Variants in ITPR2 observed in about 807,000 individuals in gnomAD.
ITPR2 encodes inositol 1,4,5-trisphosphate-gated calcium channel ITPR2.
Under a neutral mutation model 317.1 loss-of-function variants are expected in ITPR2, and 207 were observed. The observed-to-expected ratio is 0.65, with a 90% CI of 0.58 to 0.73. The LOEUF is 0.73. Among genes scored for constraint, ITPR2 ranks in the 30% least tolerant of loss-of-function variants. The pLI is 0.00. For missense variants in ITPR2, 2,613 were observed against 3,284.0 expected, an observed-to-expected ratio of 0.80 and a Z score of 4.99; for synonymous variants, 1,156 against 1,149.1, an observed-to-expected ratio of 1.01 and a Z score of -0.12.
chr12:26,734,628 A>T (rs749356702), intron 2 of ITPR2, among the ~76,000 whole-genome samples: 21 of 130,960 alleles, frequency 1.6e-4, no homozygotes, highest in South Asian at 6.6e-4. Flanking sequence ...GTCCTAAATT[A>T]AAAAAAAAAA....
chr12:26,676,449 C>T (rs1947909058), intron 13 of ITPR2, among the ~76,000 whole-genome samples: 1 of 149,470 alleles, frequency 6.7e-6, no homozygotes, highest in Admixed American at 6.7e-5. Flanking sequence ...TGCATTCCAG[C>T]CTGGGTGACA....
At chr12:26,510,453 C>G (rs1369661142) in intron 37 of ITPR2, among the ~76,000 whole-genome samples, 1 of 152,180 alleles carries the variant, frequency 6.6e-6, no homozygotes, top group Non-Finnish European at 1.5e-5. Flanking sequence ...TTGACAAGAC[C>G]TGACCACACA....
chr12:26,726,999 T>A (rs929492963), intron 2 of ITPR2, among the ~76,000 whole-genome samples: 3 of 152,114 alleles, frequency 2.0e-5, no homozygotes, highest in Non-Finnish European at 4.4e-5. Context: ...CTGATATGGA[T>A]AAGTAAATAT....
At chr12:26,767,982 T>C (rs1429782544) in intron 2 of ITPR2, among the ~76,000 whole-genome samples, 1 of 152,190 alleles carries the variant, frequency 6.6e-6, no homozygotes, top group Non-Finnish European at 1.5e-5. Context: ...TGCTCCCTTA[T>C]TTCATGCCGC....
In ITPR2 at chr12:26,406,874, C is replaced by A. The variant is rs1334102635; in HGVS notation, c.7399+4446G>T. 2.0e-5 allele frequency among the ~76,000 whole-genome samples: 3 copies of A among 152,132 alleles called. No individual in the cohort carries two copies. The East Asian group carries it at 5.8e-4, about 29-fold the overall frequency. ...AGATGAATTTTATCACTTACAATGTCAAATACAAAAAGTGTATGGAAGAAA... is the reference window on the plus strand; with the variant it reads ...AGATGAATTTTATCACTTACAATGTAAAATACAAAAAGTGTATGGAAGAAA... On this transcript the variant is annotated intron_variant, in intron 52 of 56. Transcript: ENST00000381340.
intron 37 of ITPR2, among the ~76,000 whole-genome samples, chr12:26,507,857 C>CTCTGTGTGTGTG (rs1326140162): frequency 4.9e-4 from 43 of 88,332 alleles, no homozygotes; most frequent in African/African-American, 1.3e-3. Context: ...TCTTCTCTCT[C>CTCTGTGTGTGTG]TGTCTCTGTG....
intron 45 of ITPR2, among the ~76,000 whole-genome samples, chr12:26,471,454 C>T (rs1942289780): frequency 6.6e-6 from 1 of 152,132 alleles, no homozygotes; most frequent in African/African-American, 2.4e-5. Context: ...AAAAAGTGCA[C>T]ATAGTTGGAT....
chr12:26,659,793 T>C (rs1947455115), intron 15 of ITPR2, among the ~76,000 whole-genome samples: 1 of 152,182 alleles, frequency 6.6e-6, no homozygotes, highest in South Asian at 2.1e-4. Context: ...ATTTCATTCA[T>C]GAGACATGAG....
chr12:26,485,063 G>A (rs1273668829), intron 41 of ITPR2, among the ~76,000 whole-genome samples: 1 of 151,830 alleles, frequency 6.6e-6, no homozygotes, highest in Non-Finnish European at 1.5e-5. Flanking sequence ...TGCACAGTTC[G>A]ATATGCTTAT....
chr12:26,451,875 G>A (rs1287764006), intron 45 of ITPR2, among the ~76,000 whole-genome samples: 1 of 152,224 alleles, frequency 6.6e-6, no homozygotes, highest in Admixed American at 6.5e-5. Context: ...GCAGTTTTTA[G>A]TAAGCATGCT....
intron 32 of ITPR2, among the ~76,000 whole-genome samples, chr12:26,586,812 T>C (rs1341909010): frequency 6.6e-6 from 1 of 152,164 alleles, no homozygotes; most frequent in Non-Finnish European, 1.5e-5. Context: ...CAAGGGTGGG[T>C]AAAATACAGC....
chr12:26,407,096 A>T (rs1940379314), intron 52 of ITPR2, among the ~76,000 whole-genome samples: 1 of 151,748 alleles, frequency 6.6e-6, no homozygotes, highest in African/African-American at 2.4e-5. Context: ...AATCATCTCC[A>T]CCTCTTCCCC....
In ITPR2 at chr12:26,493,506, A is replaced by C. The variant is rs536448358; in HGVS notation, c.5370+647T>G. Reference sequence around the variant, plus strand: ...AAATTCCTGTGTTCTAATCCTCAGTAGGGTGGCCATAATTAACCATTTATT... The same window carrying C: ...AAATTCCTGTGTTCTAATCCTCAGTCGGGTGGCCATAATTAACCATTTATT... On this transcript the variant is annotated intron_variant, in intron 39 of 56. Coordinates refer to ENST00000381340, the MANE Select transcript of ITPR2 (RefSeq NM_002223.4). Among the ~76,000 whole-genome samples the C allele has an allele frequency of 2.6e-5, 4 of 152,336 alleles. No individual in the cohort carries two copies. The East Asian group carries it at 5.8e-4, about 22-fold the overall frequency.
chr12:26,815,072 C>G (rs566365720), intron 1 of ITPR2, among the ~76,000 whole-genome samples: 2 of 152,330 alleles, frequency 1.3e-5, no homozygotes, highest in Non-Finnish European at 1.5e-5. Flanking sequence ...AGCACAGTAG[C>G]TCATGCCTGT....
chr12:26,794,828 G>A (rs1193963001), intron 1 of ITPR2, among the ~76,000 whole-genome samples: 1 of 152,206 alleles, frequency 6.6e-6, no homozygotes, highest in Non-Finnish European at 1.5e-5. Flanking sequence ...GCAAAGCCAA[G>A]ATTTGGACCC....
chr12:26,440,836 T>C (rs1941471480), intron 46 of ITPR2, among the ~76,000 whole-genome samples: 1 of 152,094 alleles, frequency 6.6e-6, no homozygotes. Context: ...TTTTATGAAA[T>C]GTTATGTTTG....
rs57612774 is a variant in ITPR2 at position 26,491,482 on chromosome 12, CAAAAAAAAAAAA to C, written c.5370+2659_5370+2670del. Among the ~76,000 whole-genome samples the C allele has an allele frequency of 6.2e-4, 36 of 57,860 alleles. 1 individual carries two copies. Among genetic ancestry groups the C allele is most frequent in the South Asian group, 2.2e-3 (2 of 912 alleles). The allele number at this position is 57,860 out of a possible 152,430, so 38.0% of individuals were successfully genotyped here. On this transcript the variant is annotated intron_variant, in intron 39 of 56. Transcript: ENST00000381340. ...TGGGCCACAGAGCAAGACTCCATCT[CAAAAAAAAAAAA>C]AAAAAAAAAAAAAAGGCATCTTTGA...
chr12:26,634,642 T>C (rs1303086151), intron 21 of ITPR2, among the ~76,000 whole-genome samples: 1 of 151,924 alleles, frequency 6.6e-6, no homozygotes, highest in Non-Finnish European at 1.5e-5. Flanking sequence ...TCCTAGCACT[T>C]TGGGAGGCCA....
rs565405098 is a variant in ITPR2, at chr12:26,456,341, C to T, written c.6343-12691G>A. Among the ~76,000 whole-genome samples, 10 of 152,332 alleles carry T rather than the reference C, an allele frequency of 6.6e-5. No homozygotes were observed. The South Asian group carries it at 2.1e-3, about 32-fold the overall frequency. On this transcript the variant is annotated intron_variant, in intron 45 of 56. Transcript: ENST00000381340. Reference sequence around the variant, plus strand: ...ATGCTTAAAGACACTCCTAGCAGCGCCATGACAGTTTACACATGCCAGGGC... The same window carrying T: ...ATGCTTAAAGACACTCCTAGCAGCGTCATGACAGTTTACACATGCCAGGGC...
Sources: gnomAD v4.1 joint callset for allele counts (sites outside exome capture counted in the v4.1 genomes callset) on GRCh38, gnomAD v4.1.1 for gene constraint, MANE v1.5 for transcripts, NCBI Gene and HGNC (gene_info 2026-07-23, HGNC 2026-07-21) for gene names.